Variants in RIPK4 observed in about 807,000 individuals in gnomAD.
RIPK4 encodes the protein receptor interacting serine/threonine kinase 4, also known as receptor-interacting serine/threonine-protein kinase 4.
Under a neutral mutation model 42.9 loss-of-function variants are expected in RIPK4, and 17 were observed. That is an observed-to-expected ratio of 0.40 (90% CI 0.27 to 0.59). The LOEUF is 0.59. Ranked by LOEUF, RIPK4 falls within the 20% of genes least tolerant of loss-of-function variation. The probability of loss-of-function intolerance (pLI) is 0.47; values close to 1 mark genes in which losing one functional copy is unlikely to be tolerated. For synonymous variants in RIPK4, 498 were observed against 499.1 expected (o/e 1.00, Z 0.03); for missense variants, 897 against 1,104.4 (o/e 0.81, Z 2.66).
intron 3 of RIPK4, among the ~76,000 whole-genome samples, chr21:41,749,799 T>C (rs1288816654): frequency 1.3e-5 from 2 of 151,586 alleles, no homozygotes; most frequent in Admixed American, 6.6e-5. Flanking sequence ...CAAAGCCTTT[T>C]TCGGGGGCTG....
chr21:41,759,382 G>A (rs1056180456), intron 1 of RIPK4, among the ~76,000 whole-genome samples: 2 of 152,114 alleles, frequency 1.3e-5, no homozygotes, highest in Admixed American at 6.6e-5. Context: ...ATGAGTCACC[G>A]TGCCCAGCCA....
At chr21:41,749,431 C>A (rs1465775625) in intron 3 of RIPK4, among the ~76,000 whole-genome samples, 1 of 152,230 alleles carries the variant, frequency 6.6e-6, no homozygotes, top group Non-Finnish European at 1.5e-5. Flanking sequence ...GCCAACTGGG[C>A]TACAATCTTC....
chr21:41,760,012 C>G (rs879605073), intron 1 of RIPK4, among the ~76,000 whole-genome samples: 2 of 152,208 alleles, frequency 1.3e-5, no homozygotes, highest in Non-Finnish European at 2.9e-5. Flanking sequence ...ACTTCACCCC[C>G]CAAGAAACAC....
chr21:41,747,328 T>C (rs1032068687), intron 4 of RIPK4, among the ~76,000 whole-genome samples: 1 of 152,184 alleles, frequency 6.6e-6, no homozygotes, highest in Non-Finnish European at 1.5e-5. Flanking sequence ...CAATTCACCA[T>C]GTGGGGCCGC....
intron 1 of RIPK4, among the ~76,000 whole-genome samples, chr21:41,764,653 G>A (rs2061230880): frequency 6.6e-6 from 1 of 152,182 alleles, no homozygotes. Context: ...CTACTTCAAG[G>A]CCTAGGTACA....
chr21:41,767,024 C>G lies in RIPK4; in HGVS notation c.18G>C (p.Gly6=), dbSNP rs773902889. MEGDG[G]TPWALALLRT... ...GCAGCAGCGCCAGGGCCCATGGGGT[C>G]CCGCCGTCGCCCTCCATCGCGCACG... Residue 6 remains glycine (G), a synonymous_variant, in exon 1 of 8, where the codon GGG becomes GGC. Coordinates refer to ENST00000332512, the MANE Select transcript of RIPK4 (RefSeq NM_020639.3). The surrounding 1 kb of genome is among the most constrained non-coding windows in gnomAD (Gnocchi z 4.0). 1 of 1,579,430 alleles carries G rather than the reference C, an allele frequency of 6.3e-7. No individual in the cohort carries two copies. The highest frequency in any genetic ancestry group is 8.6e-7 in the Non-Finnish European group (1 of 1,166,218).
Position 41,756,624 on chromosome 21 carries a change from C to T in RIPK4, c.375G>A (p.Thr125=), listed in dbSNP as rs148199809. ...AGTGCAGGAAGTTCATGCCCACCGC[C>T]GTCTCGTGGATGATTCGGAACCGGA... ...WDLRFRIIHE[T]AVGMNFLHCM... Residue 125 remains threonine, a synonymous_variant, in exon 2 of 8, where the codon ACG becomes ACA. Coordinates refer to ENST00000332512, the MANE Select transcript of RIPK4 (RefSeq NM_020639.3). The T allele has an allele frequency of 4.3e-6, 7 of 1,613,908 alleles. No homozygotes were observed. Among genetic ancestry groups the T allele is most frequent in the Non-Finnish European group, 5.9e-6 (7 of 1,180,056 alleles).
chr21:41,745,367 T>C (rs2061167420), intron 6 of RIPK4, among the ~76,000 whole-genome samples: 1 of 152,188 alleles, frequency 6.6e-6, no homozygotes, highest in African/African-American at 2.4e-5. Context: ...GTGGCACTCA[T>C]CAGAGTGCAG....
chr21:41,746,103 G>A (rs181339274), intron 5 of RIPK4: 33 of 685,570 alleles, frequency 4.8e-5, no homozygotes, highest in Non-Finnish European at 7.2e-5. Flanking sequence ...CCGGGGGAGC[G>A]CCACCTGCCA....
At position 41,745,801 on chromosome 21, in the gene RIPK4, A is replaced by G. The variant is rs761101042; in HGVS notation, c.894T>C (p.Ala298=). ...GGGGGCTTTTCACGTCCAGATCATGAGCAGTTTCTTTCACTTCGTCATCAG... is the reference window on the plus strand; with the variant it reads ...GGGGGCTTTTCACGTCCAGATCATGGGCAGTTTCTTTCACTTCGTCATCAG... ...EKPDDEVKET[A]HDLDVKSPPE... is the part of the protein sequence containing the mutation. Residue 298 remains alanine, a synonymous_variant, in exon 6 of 8, where the codon GCT becomes GCC. Coordinates refer to ENST00000332512, the MANE Select transcript of RIPK4 (RefSeq NM_020639.3). 6.2e-7 allele frequency: 1 copy of G among 1,614,148 alleles called. No homozygotes were observed. Among genetic ancestry groups the G allele is most frequent in the Non-Finnish European group, 8.5e-7 (1 of 1,180,006 alleles).
chr21:41,744,180 C>T, intron 6 of RIPK4, 40 bp from the exon 7 acceptor site: 2 of 1,519,652 alleles, frequency 1.3e-6, no homozygotes, highest in Non-Finnish European at 1.8e-6. Context: ...AAGACCCTGC[C>T]ATAGACCGCA....
intron 1 of RIPK4, among the ~76,000 whole-genome samples, chr21:41,762,997 G>A (rs1446646954): frequency 2.6e-5 from 4 of 152,156 alleles, no homozygotes; most frequent in Non-Finnish European, 5.9e-5. Context: ...TGCTCCAAGC[G>A]CAGCTACGCT....
rs766489200 is a variant in RIPK4 at position 41,746,598 on chromosome 21, C to A, written c.832+15G>T. On this transcript the variant is annotated intron_variant, in intron 5 of 7. Transcript: ENST00000332512. ...ACACCCACAGAATGTGGCGGGGAGA[C>A]CCCGGGGTGCTCACCTTGGAAGGTG... is the stretch of plus-strand genomic sequence containing the variant. 1.2e-6 allele frequency: 2 copies of A among 1,601,278 alleles called. No homozygotes were observed. The highest frequency in any genetic ancestry group is 2.7e-5 in the African/African-American group (2 of 74,950).
Position 41,744,021 on chromosome 21 carries a change from C to A in RIPK4, c.1056G>T (p.Glu352Asp). ...TGGACTCAGAGGAGCTGCGGCTGAG[C>A]TCCTCGGGGCCCTCGACAGCCTGGG... ...GVSQAVEGPEELSRSSSESKL... is the reference protein window; with the variant it reads ...GVSQAVEGPEDLSRSSSESKL... Residue 352 changes from glutamate (E) to aspartate (D), a missense_variant, in exon 7 of 8, where the codon GAG (glutamate) becomes GAT (aspartate). Coordinates refer to ENST00000332512, the MANE Select transcript of RIPK4 (RefSeq NM_020639.3). 6.2e-7 allele frequency: 1 copy of A among 1,613,322 alleles called. No individual in the cohort carries two copies. Among genetic ancestry groups the A allele is most frequent in the Non-Finnish European group, 8.5e-7 (1 of 1,180,006 alleles).
At position 41,746,785 on chromosome 21, in the gene RIPK4, G is replaced by A. The variant is rs2061173124; in HGVS notation, c.674-14C>T. On this transcript the variant is annotated splice_polypyrimidine_tract_variant and intron_variant, in intron 4 of 7. Coordinates refer to ENST00000332512, the MANE Select transcript of RIPK4 (RefSeq NM_020639.3). ...TGTTCTTCTCATCTGCCAAGGGAAG[G>A]ATGCGAGTCAGGGGCTCTGCAGGGC... The A allele has an allele frequency of 6.4e-7, 1 of 1,571,290 alleles. No individual in the cohort carries two copies. The highest frequency in any genetic ancestry group is 8.6e-7 in the Non-Finnish European group (1 of 1,159,362).
At chr21:41,754,330 G>A (rs919259833) in intron 2 of RIPK4, among the ~76,000 whole-genome samples, 6 of 152,146 alleles carry the variant, frequency 3.9e-5, no homozygotes, top group African/African-American at 1.4e-4. Flanking sequence ...TCACGTAAAG[G>A]TATTTTTCGG....
rs1455296229 is a variant in RIPK4 at position 41,739,708 on chromosome 21, T to C, written c.*1130A>G. The C allele has an allele frequency of 1.3e-5, 2 of 152,184 alleles. No homozygotes were observed. Among genetic ancestry groups the C allele is most frequent in the Non-Finnish European group, 2.9e-5 (2 of 68,036 alleles). 9.4% of individuals were successfully genotyped at this position (152,184 alleles called of 1,614,324 possible). A position where few individuals can be genotyped will look rare whatever the true frequency, so the allele number is the denominator to read the frequency against. On this transcript the variant is annotated 3_prime_UTR_variant, in exon 8 of 8. Coordinates refer to ENST00000332512, the MANE Select transcript of RIPK4 (RefSeq NM_020639.3). Reference sequence around the variant, plus strand: ...GTTACGAGGCTAGATGGCCACATCTTTTACATCCAAGAACCGCCCTGGGGC... The same window carrying C: ...GTTACGAGGCTAGATGGCCACATCTCTTACATCCAAGAACCGCCCTGGGGC...
rs2061189163 is a variant in RIPK4, at chr21:41,751,757, C to T, written c.475-512G>A. Among the ~76,000 whole-genome samples, 1 of 152,202 alleles carries T rather than the reference C, an allele frequency of 6.6e-6. No individual in the cohort carries two copies. The highest frequency in any genetic ancestry group is 1.5e-5 in the Non-Finnish European group (1 of 68,040). On this transcript the variant is annotated intron_variant, in intron 2 of 7. Transcript: ENST00000332512. This position sits in a 1 kb window ranked among gnomAD's most constrained non-coding sequence, Gnocchi z 4.5. ...CTTTAAAGGGAAACACAGAAACACA[C>T]CTTCAGAAGCCCTTTAAACTTTAAA...
At position 41,762,980 on chromosome 21, in the gene RIPK4, T is replaced by C. The variant is rs150021705; in HGVS notation, c.182+3880A>G. Among the ~76,000 whole-genome samples the C allele has an allele frequency of 1.7e-4, 26 of 152,284 alleles. No individual in the cohort carries two copies. In the East Asian group the frequency reaches 4.6e-3, roughly 27 times the overall value. On this transcript the variant is annotated intron_variant, in intron 1 of 7. Transcript: ENST00000332512. Reference sequence around the variant, plus strand: ...GTTAATTAAAACACAACCTAAAAACTGTGCCTTGCTCCAAGCGCAGCTACG... The same window carrying C: ...GTTAATTAAAACACAACCTAAAAACCGTGCCTTGCTCCAAGCGCAGCTACG...
Sources: gnomAD v4.1 joint callset for allele counts (sites outside exome capture counted in the v4.1 genomes callset) on GRCh38, gnomAD v4.1.1 for gene constraint, Gnocchi (gnomAD v3.1) non-coding constraint, MANE v1.5 for transcripts, NCBI Gene and HGNC (gene_info 2026-07-23, HGNC 2026-07-21) for gene names.